The following FER variants were observed in gnomAD, a reference collection of about 807,000 sequenced individuals.
The protein encoded by FER is tyrosine-protein kinase Fer.
A neutral mutation model predicts 111.0 loss-of-function variants in FER; 63 were observed. The observed-to-expected ratio is 0.57, with a 90% confidence interval of 0.46 to 0.70. The LOEUF is 0.70. FER is among the 30% of genes least tolerant of loss of function. The pLI is 0.00. For missense variants in FER, 914 were observed against 954.0 expected, an observed-to-expected ratio of 0.96 and a Z score of 0.55; for synonymous variants, 327 against 313.9, an observed-to-expected ratio of 1.04 and a Z score of -0.44.
At chr5:109,064,328 T>A (rs1018135514) in intron 16 of FER, among the ~76,000 whole-genome samples, 1 of 152,182 alleles carries the variant, frequency 6.6e-6, no homozygotes, top group Non-Finnish European at 1.5e-5. Flanking sequence ...CTGTTTTTTT[T>A]AGTAGGCATC....
intron 8 of FER, among the ~76,000 whole-genome samples, chr5:108,878,481 T>A (rs1176059708): frequency 6.6e-6 from 1 of 151,988 alleles, no homozygotes; most frequent in East Asian, 1.9e-4. Flanking sequence ...TAGCATCATC[T>A]TCTTTTTTTT....
chr5:108,954,822 A>G lies in FER; in HGVS notation c.1423A>G (p.Lys475Glu). The change falls in exon 12 of 20, where the codon AAA (lysine) becomes GAA (glutamate). Residue 475 changes from lysine (K) to glutamate (E), a missense_variant. Transcript: ENST00000281092. The stretch of plus-strand genomic sequence containing the variant: ...CAGAATAGAAGCTCAAGAACTGTTA[A>G]AAAAACAAGGAGACTTTTTGGTGCG... ...IPRIEAQELLKKQGDFLVRES... is the reference protein window; with the variant it reads ...IPRIEAQELLEKQGDFLVRES... 6.2e-7 allele frequency: 1 copy of G among 1,612,616 alleles called. No homozygotes were observed. Among genetic ancestry groups the G allele is most frequent in the Middle Eastern group, 1.7e-4 (1 of 5,804 alleles).
At chr5:108,836,704 T>C (rs530643459) in intron 5 of FER, among the ~76,000 whole-genome samples, 13 of 152,304 alleles carry the variant, frequency 8.5e-5, no homozygotes, top group African/African-American at 2.9e-4. Context: ...TTTGGCTGTA[T>C]CTTGCACAAT....
rs1759417009 is a variant in FER, at chr5:109,191,992, A to C, written c.*4417A>C. 6.6e-6 allele frequency: 1 copy of C among 152,172 alleles called. No homozygotes were observed. Among genetic ancestry groups the C allele is most frequent in the Non-Finnish European group, 1.5e-5 (1 of 68,014 alleles). The allele number at this position is 152,172 out of a possible 1,614,324, so 9.4% of individuals were successfully genotyped here. On this transcript the variant is annotated 3_prime_UTR_variant, in exon 20 of 20. Coordinates refer to ENST00000281092, the MANE Select transcript of FER (RefSeq NM_005246.4). Reference sequence around the variant, plus strand: ...CTTAGCCATAATTCAATTTAATGAAATACTACCCCATTAAAAGCCATCCTC... The same window carrying C: ...CTTAGCCATAATTCAATTTAATGAACTACTACCCCATTAAAAGCCATCCTC...
At chr5:109,013,599 A>G (rs1254475813) in intron 13 of FER, among the ~76,000 whole-genome samples, 5 of 150,624 alleles carry the variant, frequency 3.3e-5, no homozygotes, top group Admixed American at 2.0e-4. Flanking sequence ...ATACCCAGTA[A>G]TGGGATGGCT....
chr5:109,166,200 G>A (rs1756541412), intron 17 of FER, among the ~76,000 whole-genome samples: 1 of 151,638 alleles, frequency 6.6e-6, no homozygotes, highest in Non-Finnish European at 1.5e-5. Context: ...TCTGTCTGTT[G>A]GGGTATATTT....
At chr5:108,867,276 A>G (rs1764160792) in intron 5 of FER, among the ~76,000 whole-genome samples, 1 of 152,130 alleles carries the variant, frequency 6.6e-6, no homozygotes, top group East Asian at 1.9e-4. Context: ...AGAGGAAGGA[A>G]CTATCTGTTC....
Position 109,095,303 on chromosome 5 carries a change from T to C in FER, c.1925-5093T>C, listed in dbSNP as rs576432130. Among the ~76,000 whole-genome samples the C allele has an allele frequency of 1.3e-3, 192 of 152,090 alleles. 2 individuals carry two copies. The highest frequency in any genetic ancestry group is 4.3e-3 in the African/African-American group (177 of 41,476). On this transcript the variant is annotated intron_variant, in intron 16 of 19. Transcript: ENST00000281092. ...CAGGAAAGCCAGTATGTTTTTGGAG[T>C]CATTTTCTGTTTTTTAGTATTTAAT...
intron 2 of FER, among the ~76,000 whole-genome samples, chr5:108,773,104 G>T (rs1348313878): frequency 6.6e-6 from 1 of 152,086 alleles, no homozygotes; most frequent in East Asian, 1.9e-4. Flanking sequence ...CTTTGAGAAG[G>T]GTATGAAATT....
intron 16 of FER, among the ~76,000 whole-genome samples, chr5:109,054,156 T>C (rs936505693): frequency 9.9e-5 from 15 of 152,198 alleles, no homozygotes; most frequent in Admixed American, 5.2e-4. Context: ...TGCCTAGTAG[T>C]GGAATGAATC....
At chr5:108,850,334 A>T (rs1420064424) in intron 5 of FER, among the ~76,000 whole-genome samples, 1 of 152,012 alleles carries the variant, frequency 6.6e-6, no homozygotes, top group Non-Finnish European at 1.5e-5. Context: ...TTCATAAATT[A>T]ATCTGAGGAT....
At chr5:108,919,827 A>G (rs1345702099) in intron 10 of FER, among the ~76,000 whole-genome samples, 1 of 152,158 alleles carries the variant, frequency 6.6e-6, no homozygotes, top group Non-Finnish European at 1.5e-5. Context: ...CTTTAGTTCA[A>G]ATCCTCTGTG....
intron 13 of FER, among the ~76,000 whole-genome samples, chr5:108,998,213 A>G (rs965727931): frequency 5.7e-4 from 83 of 146,482 alleles, no homozygotes; most frequent in African/African-American, 1.9e-3. Flanking sequence ...AAACTCTTGC[A>G]GCTAGCTAGG....
At chr5:109,087,538 A>G (rs940017150) in intron 16 of FER, among the ~76,000 whole-genome samples, 6 of 150,896 alleles carry the variant, frequency 4.0e-5, no homozygotes, top group Non-Finnish European at 8.9e-5. Flanking sequence ...TTCTTCATTT[A>G]TTTCTAGAAG....
At chr5:108,990,121 T>G (rs1443362773) in intron 13 of FER, among the ~76,000 whole-genome samples, 1 of 152,008 alleles carries the variant, frequency 6.6e-6, no homozygotes, top group Non-Finnish European at 1.5e-5. Context: ...AAGCAGCTTC[T>G]TAACATTAGT....
chr5:108,834,580 C>G (rs1232803364), intron 4 of FER, among the ~76,000 whole-genome samples: 2 of 151,638 alleles, frequency 1.3e-5, no homozygotes, highest in Non-Finnish European at 2.9e-5. Context: ...CGTCTGTAAC[C>G]CCAGCCACTT....
intron 3 of FER, among the ~76,000 whole-genome samples, chr5:108,814,465 A>G (rs1340429686): frequency 2.0e-5 from 3 of 152,204 alleles, no homozygotes; most frequent in Admixed American, 2.0e-4. Context: ...ACGTGTTTGT[A>G]TACAGGATAA....
intron 2 of FER, among the ~76,000 whole-genome samples, chr5:108,791,893 T>C (rs1226614954): frequency 6.6e-6 from 1 of 152,234 alleles, no homozygotes; most frequent in Non-Finnish European, 1.5e-5. Context: ...TTCATTGTTT[T>C]GCATGTGGAA....
At chr5:108,975,900 G>T (rs1761272048) in intron 13 of FER, among the ~76,000 whole-genome samples, 1 of 152,136 alleles carries the variant, frequency 6.6e-6, no homozygotes, top group Non-Finnish European at 1.5e-5. Context: ...CATGGACTGA[G>T]ATGCTATAGG....
Sources: gnomAD v4.1 joint callset for allele counts (sites outside exome capture counted in the v4.1 genomes callset) on GRCh38, gnomAD v4.1.1 for gene constraint, MANE v1.5 for transcripts, NCBI Gene and HGNC (gene_info 2026-07-23, HGNC 2026-07-21) for gene names.